Variants in IRAK3 observed in about 807,000 individuals in gnomAD.
The protein encoded by IRAK3 is interleukin-1 receptor-associated kinase 3.
In IRAK3, 57 loss-of-function variants were observed where a neutral mutation model predicts 56.6. The ratio of observed to expected loss-of-function variants is 1.01; its 90% confidence interval spans 0.81 to 1.26. IRAK3 has a LOEUF of 1.26. IRAK3 is among the 50% of genes most tolerant of loss of function. IRAK3 has a pLI of 0.00. For missense variants in IRAK3, 703 were observed against 719.0 expected, an observed-to-expected ratio of 0.98 and a Z score of 0.25; for synonymous variants, 258 against 255.7, an observed-to-expected ratio of 1.01 and a Z score of -0.09.
At chr12:66,234,747 C>T (rs2052884551) in intron 8 of IRAK3, 8 of 1,595,338 alleles carry the variant, frequency 5.0e-6, no homozygotes, top group Non-Finnish European at 6.0e-6. Flanking sequence ...GCAAAGCCAA[C>T]ACCACGACTT....
At position 66,203,747 on chromosome 12, in the gene IRAK3, A is replaced by G. The variant is rs35239505; in HGVS notation, c.170A>G (p.His57Arg). Residue 57 changes from histidine to arginine, a missense_variant, in exon 2 of 12, where the codon CAT becomes CGT. Physicochemically the swap from His to Arg is conservative, Grantham distance 29 (BLOSUM62 0). Coordinates refer to ENST00000261233, the MANE Select transcript of IRAK3 (RefSeq NM_007199.3). ...TCAAGCAGCTGGCTGGATGTTCGTCATATTGAAAAGTATGTAGACCAAGGT... is the reference window on the plus strand; with the variant it reads ...TCAAGCAGCTGGCTGGATGTTCGTCGTATTGAAAAGTATGTAGACCAAGGT... ...RLSSSWLDVR[H>R]IEKYVDQGKS... 0.013 allele frequency: 21,112 copies of G among 1,614,054 alleles called. 182 individuals carry two copies. The highest frequency in any genetic ancestry group is 0.016 in the Non-Finnish European group (19,191 of 1,179,942).
intron 8 of IRAK3, among the ~76,000 whole-genome samples, chr12:66,238,287 G>A (rs117029533): frequency 0.013 from 1,925 of 152,234 alleles, 23 homozygotes; most frequent in Middle Eastern, 0.055. Context: ...CTCAATGAGA[G>A]CCAGAGACTT....
In IRAK3 at chr12:66,203,814, A is replaced by G; in HGVS notation, c.237A>G (p.Lys79=). 1 of 1,614,096 alleles carries G rather than the reference A, an allele frequency of 6.2e-7. No homozygotes were observed. The highest frequency in any genetic ancestry group is 8.5e-7 in the Non-Finnish European group (1 of 1,179,938). The change falls in exon 2 of 12, where the codon AAA becomes AAG. Residue 79 remains lysine (K), a synonymous_variant. Transcript: ENST00000261233. ...AATTACTTTGGTCCTGGGCACAGAA[A>G]AACAAGACCATCGGTGACCTTTTAC... ...TRELLWSWAQ[K]NKTIGDLLQV...
At chr12:66,215,788 ACAC>A (rs2052668156) in intron 5 of IRAK3, among the ~76,000 whole-genome samples, 1 of 131,612 alleles carries the variant, frequency 7.6e-6, no homozygotes, top group African/African-American at 2.8e-5. Context: ...CCCAACATGC[ACAC>A]ACACACACAC....
intron 4 of IRAK3, among the ~76,000 whole-genome samples, chr12:66,210,634 T>C (rs1273981032): frequency 6.6e-6 from 1 of 152,204 alleles, no homozygotes; most frequent in African/African-American, 2.4e-5. Context: ...ACTTTCCTAC[T>C]TTATTAGTAG....
chr12:66,226,188 A>G (rs1036014843), intron 6 of IRAK3, among the ~76,000 whole-genome samples: 4 of 151,810 alleles, frequency 2.6e-5, no homozygotes, highest in African/African-American at 9.7e-5. Flanking sequence ...TGTTTTATTT[A>G]TATTTACATG....
At chr12:66,211,329 G>T in intron 4 of IRAK3, 117 bp from the exon 5 acceptor site, 1 of 720,964 alleles carries the variant, frequency 1.4e-6, no homozygotes, top group Non-Finnish European at 2.4e-6. Context: ...TTGGTTCCTG[G>T]GCCTTTCTCT....
At position 66,189,217 on chromosome 12, in the gene IRAK3, A is replaced by G; in HGVS notation, c.-83A>G. 3 of 1,498,470 alleles carry G rather than the reference A, an allele frequency of 2.0e-6. No individual in the cohort carries two copies. In the South Asian group the frequency reaches 3.6e-5, roughly 18 times the overall value. 92.8% of individuals were successfully genotyped at this position (1,498,470 alleles called of 1,614,324 possible). On this transcript the variant is annotated 5_prime_UTR_variant, in exon 1 of 12. Transcript: ENST00000261233. ...GCTCTGCTGCCGTCGTGGAAGCAGG[A>G]TTTCCGCGGTTGTGTAACGGCCTGT...
chr12:66,210,129 A>G lies in IRAK3; in HGVS notation c.382-18A>G. On this transcript the variant is annotated intron_variant, in intron 3 of 11. Coordinates refer to ENST00000261233, the MANE Select transcript of IRAK3 (RefSeq NM_007199.3). Reference sequence around the variant, plus strand: ...ATGTATGAAATGGAATTACTTTAGTATATATTTCTTCTCTTAGGAAACAGC... The same window carrying G: ...ATGTATGAAATGGAATTACTTTAGTGTATATTTCTTCTCTTAGGAAACAGC... 1.4e-6 allele frequency: 2 copies of G among 1,471,468 alleles called. No individual in the cohort carries two copies. Among genetic ancestry groups the G allele is most frequent in the Non-Finnish European group, 1.9e-6 (2 of 1,050,176 alleles). The allele number at this position is 1,471,468 out of a possible 1,614,324, so 91.2% of individuals were successfully genotyped here.
chr12:66,213,027 A>G (rs2052627910), intron 5 of IRAK3, among the ~76,000 whole-genome samples: 1 of 152,178 alleles, frequency 6.6e-6, no homozygotes, highest in Non-Finnish European at 1.5e-5. Flanking sequence ...CAGCACATGT[A>G]TCCAGAGCTT....
intron 7 of IRAK3, among the ~76,000 whole-genome samples, chr12:66,227,593 A>ATAAATAAATAAG (rs2052799745): frequency 8.7e-6 from 1 of 115,408 alleles, no homozygotes; most frequent in South Asian, 3.1e-4. Context: ...AAATAAATAA[A>ATAAATAAATAAG]TAAATAAATA....
At chr12:66,210,620 A>G (rs896273803) in intron 4 of IRAK3, among the ~76,000 whole-genome samples, 3 of 152,184 alleles carry the variant, frequency 2.0e-5, no homozygotes, top group Non-Finnish European at 2.9e-5. Flanking sequence ...TATCTTCCAT[A>G]TCAACTTTCC....
At chr12:66,239,530 A>T (rs569209778) in intron 8 of IRAK3, among the ~76,000 whole-genome samples, 1 of 152,208 alleles carries the variant, frequency 6.6e-6, no homozygotes, top group East Asian at 1.9e-4. Flanking sequence ...TTTAACAGGC[A>T]TGTCAAAGCC....
At chr12:66,235,435 G>C (rs1460623465) in intron 8 of IRAK3, among the ~76,000 whole-genome samples, 2 of 151,400 alleles carry the variant, frequency 1.3e-5, no homozygotes, top group Non-Finnish European at 2.9e-5. Context: ...GGCGGCGGCC[G>C]GCGGGGGCTG....
chr12:66,247,830 A>G lies in IRAK3; in HGVS notation c.1450A>G (p.Ser484Gly), dbSNP rs138072996. Residue 484 changes from serine to glycine, a missense_variant, in exon 12 of 12, where the codon AGC (serine) becomes GGC (glycine). Physicochemically the swap from Ser to Gly is moderately conservative, Grantham distance 56 (BLOSUM62 0). Coordinates refer to ENST00000261233, the MANE Select transcript of IRAK3 (RefSeq NM_007199.3). ...AAGTATTCCAGTGGAAGATGATGAA[A>G]GCCAGAATAACAATTTACTACCTTC... ...VPSIPVEDDE[S>G]QNNNLLPSDE... 5.6e-6 allele frequency: 9 copies of G among 1,614,090 alleles called. No individual in the cohort carries two copies. The highest frequency in any genetic ancestry group is 6.8e-6 in the Non-Finnish European group (8 of 1,180,032).
At chr12:66,198,700 A>T (rs1241645056) in intron 1 of IRAK3, among the ~76,000 whole-genome samples, 1 of 151,814 alleles carries the variant, frequency 6.6e-6, no homozygotes, top group Non-Finnish European at 1.5e-5. Flanking sequence ...ATGATACAGG[A>T]TGCCTAATAC....
At chr12:66,242,531 G>T (rs933969584) in intron 8 of IRAK3, among the ~76,000 whole-genome samples, 1 of 152,186 alleles carries the variant, frequency 6.6e-6, no homozygotes, top group African/African-American at 2.4e-5. Flanking sequence ...GTGAGGCCCA[G>T]GCTGGCTTTA....
intron 1 of IRAK3, among the ~76,000 whole-genome samples, chr12:66,198,435 C>G (rs997216840): frequency 2.6e-5 from 4 of 152,152 alleles, no homozygotes; most frequent in African/African-American, 9.7e-5. Flanking sequence ...TTGACATACC[C>G]TTTTCTATTC....
At chr12:66,197,165 T>G in intron 1 of IRAK3, 1 of 1,282,826 alleles carries the variant, frequency 7.8e-7, no homozygotes, top group Non-Finnish European at 9.8e-7. Context: ...AGATTTGTGT[T>G]CCAAAAAATG....
Sources: gnomAD v4.1 joint callset for allele counts (sites outside exome capture counted in the v4.1 genomes callset) on GRCh38, gnomAD v4.1.1 for gene constraint, MANE v1.5 for transcripts, NCBI Gene and HGNC (gene_info 2026-07-23, HGNC 2026-07-21) for gene names.